RRAS2: variants seen among roughly 807,000 people sequenced by gnomAD.
RRAS2 encodes the protein ras-related protein R-Ras2.
RRAS2 carries 7 observed loss-of-function variants against 27.6 expected under a neutral mutation model. The observed-to-expected ratio is 0.25, with a 90% CI of 0.14 to 0.48. The LOEUF (loss-of-function observed/expected upper bound fraction) is 0.48. Ranked by LOEUF, RRAS2 falls within the 20% of genes least tolerant of loss-of-function variation. RRAS2 has a pLI of 0.99. For synonymous variants in RRAS2, 86 were observed against 90.9 expected (o/e 0.95, Z 0.31); for missense variants, 178 against 256.2 (o/e 0.69, Z 2.08).
rs553388223 is a variant in RRAS2, at chr11:14,286,102, T to C, written c.409-4382A>G. ...TGGATCTGTTTACACCTTTCATGTC[T>C]CTAACATGTTTTCTTGATTGCATAA... On this transcript the variant is annotated intron_variant, in intron 4 of 5. Transcript: ENST00000256196. Among the ~76,000 whole-genome samples, 52 of 152,230 alleles carry C rather than the reference T, an allele frequency of 3.4e-4. 1 individual carries two copies. Among genetic ancestry groups the C allele is most frequent in the Non-Finnish European group, 6.6e-4 (45 of 68,038 alleles).
intron 1 of RRAS2, among the ~76,000 whole-genome samples, chr11:14,333,122 A>C (rs1564975889): frequency 6.6e-6 from 1 of 152,152 alleles, no homozygotes; most frequent in South Asian, 2.1e-4. Context: ...AGTATAAGCA[A>C]CTTATGTCAT....
chr11:14,346,203 A>G (rs1554954042), intron 1 of RRAS2, among the ~76,000 whole-genome samples: 1 of 152,222 alleles, frequency 6.6e-6, no homozygotes. Flanking sequence ...AATAGAGAGG[A>G]TCTTATCCTT....
At chr11:14,347,288 G>T (rs1050692238) in intron 1 of RRAS2, among the ~76,000 whole-genome samples, 1 of 152,180 alleles carries the variant, frequency 6.6e-6, no homozygotes, top group Non-Finnish European at 1.5e-5. Flanking sequence ...ATGACAAACG[G>T]ATTAATGCCA....
At chr11:14,364,349 C>T (rs1849226773) in intron 1 of RRAS2, 1 of 1,534,298 alleles carries the variant, frequency 6.5e-7, no homozygotes, top group Non-Finnish European at 8.7e-7. Flanking sequence ...ACCTGTTGGC[C>T]AAAGAAGGCC....
chr11:14,358,421 G>A lies in RRAS2; in HGVS notation c.108+342C>T. 5.1e-6 allele frequency: 5 copies of A among 985,450 alleles called. No individual in the cohort carries two copies. The highest frequency in any genetic ancestry group is 6.0e-6 in the Non-Finnish European group (5 of 830,058). 61.0% of individuals were successfully genotyped at this position (985,450 alleles called of 1,614,324 possible). A position where few individuals can be genotyped will look rare whatever the true frequency, so the allele number is the denominator to read the frequency against. Reference sequence around the variant, plus strand: ...CTCCAGCCCCACGCCCGGACCCTCGGAGCAGTAAAGCCCGGCTCGGTGGCC... The same window carrying A: ...CTCCAGCCCCACGCCCGGACCCTCGAAGCAGTAAAGCCCGGCTCGGTGGCC... On this transcript the variant is annotated intron_variant, in intron 1 of 5. Transcript: ENST00000256196. This position sits in a 1 kb window ranked among gnomAD's most constrained non-coding sequence, Gnocchi z 5.1.
chr11:14,310,111 CAG>C (rs1304683258), intron 1 of RRAS2, among the ~76,000 whole-genome samples: 1 of 152,194 alleles, frequency 6.6e-6, no homozygotes, highest in Non-Finnish European at 1.5e-5. Flanking sequence ...GATGTAGATA[CAG>C]AGTCTGTCAG....
chr11:14,322,982 G>A (rs1431377), intron 1 of RRAS2, among the ~76,000 whole-genome samples: 15 of 152,126 alleles, frequency 9.9e-5, no homozygotes, highest in African/African-American at 2.4e-4. Flanking sequence ...ACTAAAAAGC[G>A]TATCTCTTCA....
chr11:14,364,244 A>G, intron 1 of RRAS2: 2 of 755,496 alleles, frequency 2.6e-6, no homozygotes, highest in Non-Finnish European at 4.4e-6. Context: ...TCCCTGGCCC[A>G]TCCCAGAGAC....
At chr11:14,289,442 AT>A (rs1241395981) in intron 4 of RRAS2, among the ~76,000 whole-genome samples, 1 of 152,230 alleles carries the variant, frequency 6.6e-6, no homozygotes, top group African/African-American at 2.4e-5. Context: ...ATACTGTGCT[AT>A]TTAATTTCAG....
At chr11:14,304,567 T>C (rs1847791241) in intron 1 of RRAS2, among the ~76,000 whole-genome samples, 2 of 152,250 alleles carry the variant, frequency 1.3e-5, no homozygotes, top group African/African-American at 4.8e-5. Context: ...TCCCAGGACA[T>C]ATAAAACTCG....
chr11:14,300,880 T>C (rs1314295941), intron 1 of RRAS2, among the ~76,000 whole-genome samples: 1 of 152,140 alleles, frequency 6.6e-6, no homozygotes, highest in African/African-American at 2.4e-5. Flanking sequence ...TTGGTGAAAG[T>C]GTAGTTCCCA....
At chr11:14,344,051 A>G (rs1848777973) in intron 1 of RRAS2, among the ~76,000 whole-genome samples, 1 of 152,022 alleles carries the variant, frequency 6.6e-6, no homozygotes, top group Non-Finnish European at 1.5e-5. Context: ...GCTGAGGTAG[A>G]AGAATCACTT....
At chr11:14,327,616 T>G (rs998640323) in intron 1 of RRAS2, among the ~76,000 whole-genome samples, 1 of 152,220 alleles carries the variant, frequency 6.6e-6, no homozygotes, top group Non-Finnish European at 1.5e-5. Context: ...CATGTGAAAG[T>G]CAAATTATTT....
At chr11:14,354,195 A>G (rs1003466003) in intron 1 of RRAS2, among the ~76,000 whole-genome samples, 2 of 152,250 alleles carry the variant, frequency 1.3e-5, no homozygotes. Flanking sequence ...ACTTTTAAAA[A>G]GCAATGCTGG....
chr11:14,307,352 T>C (rs910191047), intron 1 of RRAS2, among the ~76,000 whole-genome samples: 3 of 151,374 alleles, frequency 2.0e-5, no homozygotes, highest in African/African-American at 7.3e-5. Flanking sequence ...CGGGGGGAAA[T>C]GTGATGAAAT....
intron 1 of RRAS2, chr11:14,342,104 C>T (rs1270593132): frequency 9.9e-6 from 3 of 302,904 alleles, no homozygotes. Flanking sequence ...TGGGTGAAAC[C>T]TCACCCTTCC....
chr11:14,315,195 G>C (rs1554949341), intron 1 of RRAS2, among the ~76,000 whole-genome samples: 1 of 152,156 alleles, frequency 6.6e-6, no homozygotes, highest in Non-Finnish European at 1.5e-5. Context: ...TTGGGGCAGG[G>C]AGCAACTTCA....
chr11:14,327,898 A>G (rs1159217116), intron 1 of RRAS2, among the ~76,000 whole-genome samples: 1 of 152,224 alleles, frequency 6.6e-6, no homozygotes, highest in Non-Finnish European at 1.5e-5. Flanking sequence ...CTTACAAGAC[A>G]CAGGTCAAAC....
chr11:14,309,009 TAACTAA>T (rs1286857967), intron 1 of RRAS2, among the ~76,000 whole-genome samples: 3 of 152,352 alleles, frequency 2.0e-5, no homozygotes, highest in Admixed American at 6.5e-5. Flanking sequence ...GTACACTGCT[TAACTAA>T]AACTGAGTAT....
Sources: gnomAD v4.1 joint callset for allele counts (sites outside exome capture counted in the v4.1 genomes callset) on GRCh38, gnomAD v4.1.1 for gene constraint, Gnocchi (gnomAD v3.1) non-coding constraint, MANE v1.5 for transcripts, NCBI Gene and HGNC (gene_info 2026-07-23, HGNC 2026-07-21) for gene names.